Variants in PCDHAC1 observed in about 807,000 individuals in gnomAD.
PCDHAC1 encodes the protein protocadherin alpha subfamily C, 1.
PCDHAC1 carries 42 observed loss-of-function variants against 60.0 expected under a neutral mutation model. The ratio of observed to expected loss-of-function variants is 0.70; its 90% confidence interval spans 0.55 to 0.90. The LOEUF is 0.90. PCDHAC1 is among the 40% of genes least tolerant of loss of function. The pLI is 0.00. For missense variants in PCDHAC1, 1,160 were observed against 1,222.3 expected (o/e 0.95, Z 0.76); for synonymous variants, 468 against 499.3 (o/e 0.94, Z 0.84).
intron 3 of PCDHAC1, among the ~76,000 whole-genome samples, chr5:140,998,686 T>G (rs1245765431): frequency 6.6e-6 from 1 of 152,118 alleles, no homozygotes; most frequent in Non-Finnish European, 1.5e-5. Context: ...TGCCTCAGCC[T>G]CCCAAGTAGC....
intron 3 of PCDHAC1, among the ~76,000 whole-genome samples, chr5:140,987,537 T>C (rs1343074603): frequency 6.6e-6 from 1 of 152,176 alleles, no homozygotes; most frequent in African/African-American, 2.4e-5. Context: ...CCTGGGACCA[T>C]TACTTAACTT....
intron 1 of PCDHAC1, among the ~76,000 whole-genome samples, chr5:140,933,676 A>AT (rs1400784175): frequency 6.6e-6 from 1 of 151,552 alleles, no homozygotes; most frequent in Non-Finnish European, 1.5e-5. Context: ...TCTCTCTCAC[A>AT]TTTTTTTTCC....
intron 3 of PCDHAC1, among the ~76,000 whole-genome samples, chr5:140,998,104 G>A (rs1554256160): frequency 6.6e-6 from 1 of 152,132 alleles, no homozygotes; most frequent in African/African-American, 2.4e-5. Context: ...GCAAACAGAG[G>A]AGAAAATTTA....
chr5:140,931,049 A>G (rs1165336064), intron 1 of PCDHAC1, among the ~76,000 whole-genome samples: 1 of 152,226 alleles, frequency 6.6e-6, no homozygotes, highest in Non-Finnish European at 1.5e-5. Flanking sequence ...AAAAACTTCA[A>G]TGCTGTGTCT....
At chr5:140,951,941 C>T (rs576414648) in intron 1 of PCDHAC1, among the ~76,000 whole-genome samples, 8 of 152,220 alleles carry the variant, frequency 5.3e-5, no homozygotes, top group African/African-American at 1.4e-4. Flanking sequence ...AGATACAGTG[C>T]GGGTACAGGC....
At chr5:140,955,233 T>A (rs1554221819) in intron 1 of PCDHAC1, among the ~76,000 whole-genome samples, 1 of 152,198 alleles carries the variant, frequency 6.6e-6, no homozygotes, top group African/African-American at 2.4e-5. Flanking sequence ...TTTGTTCTTT[T>A]GCTTAGGATC....
intron 1 of PCDHAC1, among the ~76,000 whole-genome samples, chr5:140,945,368 C>T (rs980832309): frequency 1.3e-5 from 2 of 151,844 alleles, no homozygotes; most frequent in African/African-American, 4.8e-5. Flanking sequence ...TTAAAATGTC[C>T]ATATTACCCA....
chr5:141,009,562 C>G lies in PCDHAC1; in HGVS notation c.2582-65C>G, dbSNP rs1469033090. On this transcript the variant is annotated intron_variant, in intron 3 of 3. Transcript: ENST00000253807. ...GCCTATGCAGTACTCCTGTACTCTA[C>G]CAGCAGTGTGGCATCAAGAGCATGT... The G allele has an allele frequency of 2.5e-6, 4 of 1,571,226 alleles. No individual in the cohort carries two copies. In the African/African-American group the frequency reaches 5.4e-5, roughly 21 times the overall value.
At chr5:140,948,321 T>C (rs922752818) in intron 1 of PCDHAC1, among the ~76,000 whole-genome samples, 7 of 151,748 alleles carry the variant, frequency 4.6e-5, no homozygotes, top group South Asian at 4.1e-4. Flanking sequence ...AGGGGTAATG[T>C]TTTCATTAGG....
chr5:140,973,468 C>T (rs2096588845), intron 1 of PCDHAC1, among the ~76,000 whole-genome samples: 1 of 152,202 alleles, frequency 6.6e-6, no homozygotes, highest in East Asian at 1.9e-4. Context: ...TTTTAGTTTG[C>T]AAATTTCATA....
At chr5:140,966,470 T>G (rs782674249) in intron 1 of PCDHAC1, 26 of 431,180 alleles carry the variant, frequency 6.0e-5, no homozygotes, top group Non-Finnish European at 9.3e-5. Context: ...TCTTCCCTTC[T>G]GTTTCCTTTT....
rs3776115 is a variant in PCDHAC1 at position 140,970,956 on chromosome 5, G to A, written c.2434-7993G>A. Among the ~76,000 whole-genome samples, 119 of 152,278 alleles carry A rather than the reference G, an allele frequency of 7.8e-4. 3 individuals carry two copies. In the East Asian group the frequency reaches 0.019, roughly 25 times the overall value. On this transcript the variant is annotated intron_variant, in intron 1 of 3. Coordinates refer to ENST00000253807, the MANE Select transcript of PCDHAC1 (RefSeq NM_018898.5). The stretch of plus-strand genomic sequence containing the variant: ...TAGTCAATGCTGAGAAACCATGGGA[G>A]GCAGATTGTAGATTAAGAAAAATGG...
rs143580970 is a variant in PCDHAC1, at chr5:140,976,476, G to A, written c.2434-2473G>A. ...TGGGGAAGAAGAATTGCTTGAATCC[G>A]GGAGGCAGAGGTTGCAGGGAGCCAA... On this transcript the variant is annotated intron_variant, in intron 1 of 3. Transcript: ENST00000253807. 8.2e-3 allele frequency among the ~76,000 whole-genome samples: 1,253 copies of A among 152,132 alleles called. 22 individuals carry two copies. The highest frequency in any genetic ancestry group is 0.028 in the African/African-American group (1,179 of 41,504).
At chr5:140,997,225 C>T (rs1554255781) in intron 3 of PCDHAC1, among the ~76,000 whole-genome samples, 1 of 152,090 alleles carries the variant, frequency 6.6e-6, no homozygotes, top group African/African-American at 2.4e-5. Context: ...CTATCATTAC[C>T]ACCCAACTTC....
intron 1 of PCDHAC1, among the ~76,000 whole-genome samples, chr5:140,946,305 T>C (rs1484740423): frequency 6.6e-6 from 1 of 151,868 alleles, no homozygotes; most frequent in East Asian, 1.9e-4. Flanking sequence ...CCTGGTAGAA[T>C]GGCTATTATT....
intron 1 of PCDHAC1, among the ~76,000 whole-genome samples, chr5:140,964,379 C>T (rs2095828218): frequency 6.6e-6 from 1 of 152,130 alleles, no homozygotes; most frequent in Non-Finnish European, 1.5e-5. Flanking sequence ...AAAGGAGAGT[C>T]CTGGTTTTTC....
At chr5:140,944,051 C>G (rs1383787401) in intron 1 of PCDHAC1, among the ~76,000 whole-genome samples, 1 of 152,086 alleles carries the variant, frequency 6.6e-6, no homozygotes, top group East Asian at 1.9e-4. Context: ...GATTGGGATA[C>G]AAAAAGGTTT....
Position 141,000,578 on chromosome 5 carries a change from C to T in PCDHAC1, c.2582-9049C>T, listed in dbSNP as rs191579983. On this transcript the variant is annotated intron_variant, in intron 3 of 3. Coordinates refer to ENST00000253807, the MANE Select transcript of PCDHAC1 (RefSeq NM_018898.5). ...GAGTAGCTGGGATTACAGGTGCCTG[C>T]CACCATGCCCAGCTAATTTTTGTAT... Among the ~76,000 whole-genome samples the T allele has an allele frequency of 3.1e-3, 460 of 150,716 alleles. 6 individuals carry two copies. Among genetic ancestry groups the T allele is most frequent in the Middle Eastern group, 0.01 (3 of 290 alleles).
chr5:140,980,949 A>G (rs1187381167), intron 2 of PCDHAC1, among the ~76,000 whole-genome samples: 1 of 152,182 alleles, frequency 6.6e-6, no homozygotes, highest in East Asian at 1.9e-4. Context: ...TGGCTCCAGG[A>G]TAGTTACACC....
Sources: allele counts gnomAD v4.1 joint callset (sites outside exome capture counted in the v4.1 genomes callset), GRCh38; gene constraint gnomAD v4.1.1; transcripts MANE v1.5; gene names NCBI Gene and HGNC (gene_info 2026-07-23, HGNC 2026-07-21).